LRRTM4: variants seen among roughly 807,000 people sequenced by gnomAD.
LRRTM4 encodes the protein leucine rich repeat transmembrane neuronal 4, also known as leucine-rich repeat transmembrane neuronal protein 4.
LRRTM4 carries 25 observed loss-of-function variants against 47.6 expected under a neutral mutation model. That is an observed-to-expected ratio of 0.53 (90% CI 0.38 to 0.73). The LOEUF is 0.73. Among genes scored for constraint, LRRTM4 ranks in the 30% least tolerant of loss-of-function variants. The pLI is 0.00. For missense variants in LRRTM4, 638 were observed against 713.4 expected (o/e 0.89, Z 1.20); for synonymous variants, 311 against 269.5 (o/e 1.15, Z -1.51).
At chr2:77,335,892 G>C (rs560328335) in intron 3 of LRRTM4, among the ~76,000 whole-genome samples, 23 of 152,142 alleles carry the variant, frequency 1.5e-4, no homozygotes, top group African/African-American at 5.1e-4. Flanking sequence ...TAGGCTTCAT[G>C]GACCATACAG....
chr2:76,754,047 C>T (rs1672942396), intron 3 of LRRTM4, among the ~76,000 whole-genome samples: 1 of 152,062 alleles, frequency 6.6e-6, no homozygotes, highest in South Asian at 2.1e-4. Context: ...TTTCAATTTT[C>T]TAAATGACAT....
At chr2:77,049,303 T>C (rs1679348526) in intron 3 of LRRTM4, among the ~76,000 whole-genome samples, 2 of 151,276 alleles carry the variant, frequency 1.3e-5, no homozygotes, top group Admixed American at 6.6e-5. Flanking sequence ...TCTTTTCCTT[T>C]TTCTTTTCTT....
chr2:76,898,757 T>G (rs1339107470), intron 3 of LRRTM4, among the ~76,000 whole-genome samples: 1 of 151,132 alleles, frequency 6.6e-6, no homozygotes, highest in Non-Finnish European at 1.5e-5. Flanking sequence ...TTAGAAAAGG[T>G]ATAGAAGATA....
At chr2:77,249,240 C>G (rs942124099) in intron 3 of LRRTM4, among the ~76,000 whole-genome samples, 1 of 151,890 alleles carries the variant, frequency 6.6e-6, no homozygotes, top group Non-Finnish European at 1.5e-5. Flanking sequence ...ATCCCAGCTA[C>G]TCAGGAAGCT....
chr2:77,189,330 T>G (rs1392290195), intron 3 of LRRTM4, among the ~76,000 whole-genome samples: 1 of 152,178 alleles, frequency 6.6e-6, no homozygotes, highest in Non-Finnish European at 1.5e-5. Context: ...TCAGCAGTTC[T>G]TCATTAAATT....
At chr2:77,080,414 C>T (rs1264032901) in intron 3 of LRRTM4, among the ~76,000 whole-genome samples, 1 of 152,150 alleles carries the variant, frequency 6.6e-6, no homozygotes, top group African/African-American at 2.4e-5. Context: ...TATAAGTTAA[C>T]AACTCTGAAA....
rs140100240 is a variant in LRRTM4, at chr2:77,124,934, T to C, written c.1552-376018A>G. Reference sequence around the variant, plus strand: ...ACAGGAATAAGCATACAGAGATGTGTAGCTTTCACAGCATTCTGAGCCTAG... The same window carrying C: ...ACAGGAATAAGCATACAGAGATGTGCAGCTTTCACAGCATTCTGAGCCTAG... On this transcript the variant is annotated intron_variant, in intron 3 of 3. Coordinates refer to ENST00000409884, the MANE Select transcript of LRRTM4 (RefSeq NM_001134745.3). Among the ~76,000 whole-genome samples the C allele has an allele frequency of 5.3e-3, 806 of 152,266 alleles. 8 individuals are homozygous for C. Among genetic ancestry groups the C allele is most frequent in the Non-Finnish European group, 6.5e-3 (439 of 68,012 alleles).
intron 3 of LRRTM4, among the ~76,000 whole-genome samples, chr2:77,209,074 G>A (rs1041150826): frequency 6.6e-6 from 1 of 151,944 alleles, no homozygotes; most frequent in Non-Finnish European, 1.5e-5. Context: ...TATCACCAGC[G>A]CTCTCTCCTC....
intron 3 of LRRTM4, among the ~76,000 whole-genome samples, chr2:76,900,741 T>A (rs147411211): frequency 6.6e-6 from 1 of 152,220 alleles, no homozygotes; most frequent in Non-Finnish European, 1.5e-5. Context: ...AGGTGGCATA[T>A]CTATTCAATG....
chr2:77,170,827 T>C (rs1179590341), intron 3 of LRRTM4, among the ~76,000 whole-genome samples: 1 of 150,740 alleles, frequency 6.6e-6, no homozygotes, highest in African/African-American at 2.5e-5. Context: ...TGTATGTATG[T>C]TTGTATAAAA....
At chr2:76,977,500 G>A (rs997584132) in intron 3 of LRRTM4, among the ~76,000 whole-genome samples, 14 of 151,760 alleles carry the variant, frequency 9.2e-5, no homozygotes, top group Non-Finnish European at 2.1e-4. Context: ...TTCTGAAGGC[G>A]AGTAAGCATT....
chr2:76,782,456 G>C (rs957121843), intron 3 of LRRTM4, among the ~76,000 whole-genome samples: 1 of 152,152 alleles, frequency 6.6e-6, no homozygotes, highest in Admixed American at 6.5e-5. Flanking sequence ...CACTAAACAT[G>C]TTTTAAGCAA....
intron 3 of LRRTM4, among the ~76,000 whole-genome samples, chr2:77,438,270 C>CA (rs1675684086): frequency 1.3e-5 from 2 of 151,594 alleles, no homozygotes; most frequent in Admixed American, 1.3e-4. Context: ...AGAGTAGTAA[C>CA]ATGGATTTAA....
At chr2:77,197,591 C>T (rs1558629524) in intron 3 of LRRTM4, among the ~76,000 whole-genome samples, 1 of 152,104 alleles carries the variant, frequency 6.6e-6, no homozygotes, top group Admixed American at 6.6e-5. Context: ...TATTATACAC[C>T]TAAAATACTA....
intron 3 of LRRTM4, among the ~76,000 whole-genome samples, chr2:77,077,384 T>C (rs562700325): frequency 2.0e-5 from 3 of 152,290 alleles, no homozygotes; most frequent in Admixed American, 2.0e-4. Context: ...AGTTTTATTA[T>C]ATCCTAATAG....
intron 3 of LRRTM4, among the ~76,000 whole-genome samples, chr2:77,503,182 C>G (rs1344256): frequency 0.64 from 97,118 of 151,218 alleles, 31,988 homozygotes; most frequent in African/African-American, 0.72. Context: ...AGCAGAGAAA[C>G]AAATTCAATG....
chr2:77,494,719 G>C (rs940924149), intron 3 of LRRTM4, among the ~76,000 whole-genome samples: 1 of 151,984 alleles, frequency 6.6e-6, no homozygotes, highest in African/African-American at 2.4e-5. Context: ...ATGTGGTACT[G>C]ATAAAGCCAT....
chr2:76,930,358 T>C (rs1674731114), intron 3 of LRRTM4, among the ~76,000 whole-genome samples: 1 of 152,176 alleles, frequency 6.6e-6, no homozygotes, highest in Non-Finnish European at 1.5e-5. Flanking sequence ...ACACGCGATA[T>C]GGTTAATATC....
chr2:77,392,722 G>A (rs1326146109), intron 3 of LRRTM4, among the ~76,000 whole-genome samples: 1 of 151,984 alleles, frequency 6.6e-6, no homozygotes, highest in Admixed American at 6.6e-5. Context: ...GCTGTGGGCT[G>A]CAGATATTGA....
Sources: allele counts gnomAD v4.1 joint callset (sites outside exome capture counted in the v4.1 genomes callset), GRCh38; gene constraint gnomAD v4.1.1; transcripts MANE v1.5; gene names NCBI Gene and HGNC (gene_info 2026-07-23, HGNC 2026-07-21).